Variants in RBFOX1 observed in about 807,000 individuals in gnomAD.
RBFOX1 encodes RNA binding fox-1 homolog 1, also known as RNA binding protein fox-1 homolog 1.
RBFOX1 carries 8 observed loss-of-function variants against 57.7 expected under a neutral mutation model. That is an observed-to-expected ratio of 0.14 (90% CI 0.08 to 0.25). The LOEUF (loss-of-function observed/expected upper bound fraction) is 0.25. Among genes scored for constraint, RBFOX1 ranks in the 10% least tolerant of loss-of-function variants. RBFOX1 has a pLI of 1.00. For synonymous variants in RBFOX1, 326 were observed against 222.4 expected (o/e 1.47, Z -4.15); for missense variants, 611 against 548.5 (o/e 1.11, Z -1.14).
At chr16:5,860,419 G>A (rs973232908) in intron 3 of RBFOX1, among the ~76,000 whole-genome samples, 3 of 152,108 alleles carry the variant, frequency 2.0e-5, no homozygotes, top group Non-Finnish European at 1.5e-5. Flanking sequence ...TTTTCTGTTT[G>A]TGCCTGTGAA....
downstream of RBFOX1, among the ~76,000 whole-genome samples, chr16:5,603,257 G>A (rs1039783961): frequency 6.6e-6 from 1 of 152,212 alleles, no homozygotes; most frequent in Non-Finnish European, 1.5e-5. Flanking sequence ...ACCTGGCATT[G>A]CACCCACCAT....
chr16:6,592,502 A>G (rs1408575107), intron 2 of RBFOX1, among the ~76,000 whole-genome samples: 1 of 152,224 alleles, frequency 6.6e-6, no homozygotes, highest in East Asian at 1.9e-4. Flanking sequence ...TGGAGCGTGC[A>G]TTTGTACATT....
intron 2 of RBFOX1, among the ~76,000 whole-genome samples, chr16:6,586,537 T>A (rs1043395917): frequency 6.6e-6 from 1 of 152,196 alleles, no homozygotes; most frequent in Non-Finnish European, 1.5e-5. Context: ...GATTGAAACA[T>A]CTATGTATAT....
chr16:7,179,628 C>A (rs139815208), intron 4 of RBFOX1, among the ~76,000 whole-genome samples: 1 of 152,020 alleles, frequency 6.6e-6, no homozygotes, highest in Non-Finnish European at 1.5e-5. Flanking sequence ...AGGAAGCTGA[C>A]CACATAGGGG....
At chr16:6,900,354 G>C (rs960359386) in intron 3 of RBFOX1, among the ~76,000 whole-genome samples, 3 of 152,126 alleles carry the variant, frequency 2.0e-5, no homozygotes, top group African/African-American at 7.2e-5. Context: ...AAATCCTTTA[G>C]GGATCCTTCT....
At chr16:5,957,964 C>G (rs963567487) in intron 4 of RBFOX1, among the ~76,000 whole-genome samples, 2 of 152,126 alleles carry the variant, frequency 1.3e-5, no homozygotes, top group African/African-American at 4.8e-5. Flanking sequence ...CCCCACCATC[C>G]TCTCATTACT....
chr16:7,193,334 A>T (rs1330030442), intron 4 of RBFOX1, among the ~76,000 whole-genome samples: 3 of 152,188 alleles, frequency 2.0e-5, no homozygotes, highest in Non-Finnish European at 2.9e-5. Context: ...AAGAACTCAG[A>T]TTCTTCCCTA....
At chr16:7,085,002 C>G (rs186160812) in intron 4 of RBFOX1, among the ~76,000 whole-genome samples, 183 of 152,246 alleles carry the variant, frequency 1.2e-3, no homozygotes, top group Admixed American at 0.011. Flanking sequence ...ATCCATGCAT[C>G]CCACTAATAT....
chr16:6,347,186 C>T (rs2085511792), intron 2 of RBFOX1, among the ~76,000 whole-genome samples: 2 of 152,154 alleles, frequency 1.3e-5, no homozygotes, highest in Admixed American at 1.3e-4. Context: ...TTTTAACTTT[C>T]TGGCCAAGAG....
At chr16:7,417,756 A>G (rs1390854866) in intron 4 of RBFOX1, among the ~76,000 whole-genome samples, 3 of 152,176 alleles carry the variant, frequency 2.0e-5, no homozygotes, top group African/African-American at 7.2e-5. Flanking sequence ...AATGCTATAT[A>G]AAAAGTATGT....
intron 3 of RBFOX1, among the ~76,000 whole-genome samples, chr16:6,983,436 C>T (rs1304008239): frequency 6.7e-6 from 1 of 148,730 alleles, no homozygotes; most frequent in African/African-American, 2.5e-5. Flanking sequence ...TTCTGGTCCG[C>T]CGACTTGCTG....
chr16:7,667,682 TG>T lies in RBFOX1; in HGVS notation c.930+2715del, dbSNP rs367663031. On this transcript the variant is annotated intron_variant, in intron 13 of 15. Transcript: ENST00000550418. ...CCTCGAATAGATTTAAACCTCTTTT[TG>T]TTATTATTATATTTTTTGAGACAGA... 1.6e-4 allele frequency among the ~76,000 whole-genome samples: 25 copies of T among 151,782 alleles called. 1 individual carries two copies. In the South Asian group the frequency reaches 3.8e-3, roughly 23 times the overall value.
At chr16:7,459,445 C>CA (rs1467514556) in intron 4 of RBFOX1, among the ~76,000 whole-genome samples, 1 of 152,106 alleles carries the variant, frequency 6.6e-6, no homozygotes, top group Non-Finnish European at 1.5e-5. Context: ...TAAGAATTTC[C>CA]AAAAACCTGT....
At chr16:7,708,519 G>A (rs2270129) in intron 14 of RBFOX1, among the ~76,000 whole-genome samples, 46,737 of 151,912 alleles carry the variant, frequency 0.31, 7,596 homozygotes, top group Non-Finnish European at 0.36. Flanking sequence ...GGGAATGGGG[G>A]TCCCACAGAC....
chr16:7,384,609 G>C (rs910094136), intron 4 of RBFOX1, among the ~76,000 whole-genome samples: 2 of 152,178 alleles, frequency 1.3e-5, no homozygotes, highest in African/African-American at 2.4e-5. Flanking sequence ...AGGGGTCATG[G>C]AGTGAACAGC....
chr16:6,349,937 C>A (rs1344288459), intron 2 of RBFOX1, among the ~76,000 whole-genome samples: 1 of 152,120 alleles, frequency 6.6e-6, no homozygotes, highest in African/African-American at 2.4e-5. Context: ...CAGTGGTGAG[C>A]TTAACTGCTG....
intron 2 of RBFOX1, among the ~76,000 whole-genome samples, chr16:6,605,162 C>T (rs1276022307): frequency 6.6e-6 from 1 of 152,006 alleles, no homozygotes; most frequent in African/African-American, 2.4e-5. Context: ...CTGCTTAAGC[C>T]CAGGAGCTCA....
intron 4 of RBFOX1, among the ~76,000 whole-genome samples, chr16:7,194,494 T>C (rs768280573): frequency 6.6e-6 from 1 of 152,148 alleles, no homozygotes; most frequent in Non-Finnish European, 1.5e-5. Flanking sequence ...TCTAGCTCTT[T>C]GGGGCTAAAG....
chr16:5,745,196 G>A (rs560377987), intron 3 of RBFOX1, among the ~76,000 whole-genome samples: 1 of 152,022 alleles, frequency 6.6e-6, no homozygotes, highest in Non-Finnish European at 1.5e-5. Context: ...GCAGTGTTTG[G>A]TTTTTTGTCC....
Sources: gnomAD v4.1 joint callset for allele counts (sites outside exome capture counted in the v4.1 genomes callset) on GRCh38, gnomAD v4.1.1 for gene constraint, MANE v1.5 for transcripts, NCBI Gene and HGNC (gene_info 2026-07-23, HGNC 2026-07-21) for gene names.